CA8: variants seen among roughly 807,000 people sequenced by gnomAD.
The protein encoded by CA8 is carbonic anhydrase-related protein.
CA8 carries 22 observed loss-of-function variants against 41.4 expected under a neutral mutation model. The ratio of observed to expected loss-of-function variants is 0.53; its 90% CI spans 0.38 to 0.76. The LOEUF is 0.76. Among genes scored for constraint, CA8 ranks in the 30% least tolerant of loss-of-function variants. The pLI is 0.00. For missense variants in CA8, 270 were observed against 352.8 expected (o/e 0.77, Z 1.88); for synonymous variants, 121 against 130.6 (o/e 0.93, Z 0.50).
intron 2 of CA8, among the ~76,000 whole-genome samples, chr8:60,270,152 A>G (rs185465461): frequency 2.6e-3 from 399 of 152,362 alleles, no homozygotes; most frequent in African/African-American, 8.7e-3. Flanking sequence ...GAGGGCTTTT[A>G]ATCAGGGGAC....
intron 8 of CA8, among the ~76,000 whole-genome samples, chr8:60,191,445 A>AT (rs1464801492): frequency 1.3e-5 from 2 of 152,114 alleles, no homozygotes; most frequent in African/African-American, 4.8e-5. Flanking sequence ...ACTATGTTCC[A>AT]TAAAAAACAA....
intron 3 of CA8, among the ~76,000 whole-genome samples, chr8:60,246,701 G>C (rs1808250557): frequency 6.6e-6 from 1 of 152,048 alleles, no homozygotes; most frequent in Non-Finnish European, 1.5e-5. Context: ...TATCTTTGCT[G>C]TACATAATGT....
chr8:60,224,697 T>G (rs1276870420), intron 5 of CA8, 112 bp from the exon 6 acceptor site: 24 of 709,626 alleles, frequency 3.4e-5, no homozygotes, highest in Non-Finnish European at 5.5e-5. Flanking sequence ...AATGGCCTCA[T>G]CAGGTCCCAC....
At chr8:60,261,431 A>G (rs1323239015) in intron 3 of CA8, among the ~76,000 whole-genome samples, 2 of 152,174 alleles carry the variant, frequency 1.3e-5, no homozygotes, top group African/African-American at 2.4e-5. Flanking sequence ...TCACTCTTCA[A>G]TCATAGCTTT....
Position 60,226,923 on chromosome 8 carries a change from G to A in CA8, c.526C>T (p.His176Tyr). ...TCAGTCACAGCCTTCAAGCCAACAT[G>A]TTCCTTTCCTATCTGAAAAACATAA... ...IALFVQIGKE[H>Y]VGLKAVTEIL... Residue 176 changes from histidine to tyrosine, a missense_variant, in exon 5 of 9, where the codon CAT (histidine) becomes TAT (tyrosine). Transcript: ENST00000317995. The A allele has an allele frequency of 6.2e-7, 1 of 1,602,138 alleles. No individual in the cohort carries two copies. Among genetic ancestry groups the A allele is most frequent in the Non-Finnish European group, 8.6e-7 (1 of 1,169,430 alleles).
chr8:60,190,938 C>CTATATATATATATATATATATATATATA (rs35486936), intron 8 of CA8, among the ~76,000 whole-genome samples: 73 of 117,232 alleles, frequency 6.2e-4, no homozygotes, highest in East Asian at 8.3e-4. Flanking sequence ...CACACACACA[C>CTATATATATATATATATATATATATATA]TATATATATA....
intron 8 of CA8, among the ~76,000 whole-genome samples, chr8:60,198,275 A>G (rs1246186403): frequency 6.6e-6 from 1 of 152,158 alleles, no homozygotes; most frequent in Admixed American, 6.6e-5. Context: ...GTCTCATAGG[A>G]TTGTTACGAG....
At chr8:60,197,799 T>C (rs974064770) in intron 8 of CA8, among the ~76,000 whole-genome samples, 4 of 152,166 alleles carry the variant, frequency 2.6e-5, no homozygotes, top group Non-Finnish European at 5.9e-5. Flanking sequence ...AAATCAAAGG[T>C]GACCTTTGCT....
At chr8:60,224,979 A>C (rs1290934652) in intron 5 of CA8, among the ~76,000 whole-genome samples, 1 of 151,550 alleles carries the variant, frequency 6.6e-6, no homozygotes, top group Admixed American at 6.6e-5. Context: ...GCTTGCTTTC[A>C]TTTCAGCTCC....
rs1806051627 is a variant in CA8 at position 60,189,463 on chromosome 8, TATTA to T, written c.*554_*557del. 6.6e-6 allele frequency: 1 copy of T among 152,178 alleles called. No homozygotes were observed. 9.4% of individuals were successfully genotyped at this position (152,178 alleles called of 1,614,324 possible). ...TGTTTCCCATGGCAATCCAGCCTAA[TATTA>T]ATTGTGGTATGGGTGCTGAAAAAAT... is the stretch of plus-strand genomic sequence containing the variant. On this transcript the variant is annotated 3_prime_UTR_variant, in exon 9 of 9. Coordinates refer to ENST00000317995, the MANE Select transcript of CA8 (RefSeq NM_004056.6).
At chr8:60,274,050 C>T (rs1804150993) in intron 2 of CA8, among the ~76,000 whole-genome samples, 1 of 152,008 alleles carries the variant, frequency 6.6e-6, no homozygotes, top group South Asian at 2.1e-4. Flanking sequence ...AAGAATAAAA[C>T]AAAATAACTG....
intron 7 of CA8, among the ~76,000 whole-genome samples, chr8:60,215,727 T>C (rs1308246996): frequency 6.6e-6 from 1 of 152,188 alleles, no homozygotes; most frequent in Non-Finnish European, 1.5e-5. Context: ...AATTTTAGAA[T>C]TCCTATTCTA....
intron 7 of CA8, among the ~76,000 whole-genome samples, chr8:60,221,670 A>G (rs1807256430): frequency 6.6e-6 from 1 of 152,242 alleles, no homozygotes; most frequent in African/African-American, 2.4e-5. Flanking sequence ...CAAAAGTGAT[A>G]TGATCAAAGT....
intron 7 of CA8, among the ~76,000 whole-genome samples, chr8:60,218,684 ATTTGGGCATCTAAGAC>A (rs2130454071): frequency 6.6e-6 from 1 of 152,344 alleles, no homozygotes; most frequent in African/African-American, 2.4e-5. Context: ...GGGCTTTGAA[ATTTGGGCATCTAAGAC>A]TTTGGCTATC....
chr8:60,222,318 G>A (rs756641785), intron 7 of CA8, among the ~76,000 whole-genome samples: 6 of 149,616 alleles, frequency 4.0e-5, no homozygotes, highest in East Asian at 4.0e-4. Context: ...AGAAATAACC[G>A]GCATCCCCAC....
chr8:60,275,266 C>T (rs1804195004), intron 2 of CA8, among the ~76,000 whole-genome samples: 1 of 152,136 alleles, frequency 6.6e-6, no homozygotes, highest in Non-Finnish European at 1.5e-5. Flanking sequence ...GCTTCCTAGA[C>T]TCATTCTTAA....
At chr8:60,249,457 G>A (rs766669771) in intron 3 of CA8, among the ~76,000 whole-genome samples, 4 of 152,016 alleles carry the variant, frequency 2.6e-5, no homozygotes, top group Non-Finnish European at 5.9e-5. Flanking sequence ...CACTCCACTG[G>A]GTACTTATAT....
chr8:60,235,911 T>C (rs557898548), intron 3 of CA8, among the ~76,000 whole-genome samples: 52 of 152,290 alleles, frequency 3.4e-4, no homozygotes, highest in African/African-American at 1.1e-3. Flanking sequence ...AAAGGTCTTT[T>C]TGACAGTACA....
At chr8:60,260,186 T>C (rs928574712) in intron 3 of CA8, among the ~76,000 whole-genome samples, 3 of 152,128 alleles carry the variant, frequency 2.0e-5, no homozygotes, top group African/African-American at 7.2e-5. Flanking sequence ...ATTTCTGAGG[T>C]TGTGGCCCTG....
Sources: allele counts gnomAD v4.1 joint callset (sites outside exome capture counted in the v4.1 genomes callset), GRCh38; gene constraint gnomAD v4.1.1; transcripts MANE v1.5; gene names NCBI Gene and HGNC (gene_info 2026-07-23, HGNC 2026-07-21).